Variants in ATP11B observed in about 807,000 individuals in gnomAD.
The protein encoded by ATP11B is ATPase phospholipid transporting 11B (putative), also known as phospholipid-transporting ATPase IF.
A neutral mutation model predicts 157.8 loss-of-function variants in ATP11B; 81 were observed. The observed-to-expected ratio is 0.51, with a 90% CI of 0.43 to 0.62. The LOEUF (loss-of-function observed/expected upper bound fraction) is 0.62. Among genes scored for constraint, ATP11B ranks in the 20% least tolerant of loss-of-function variants. The pLI, the probability that ATP11B is intolerant of heterozygous loss-of-function variation, is 0.00. For missense variants in ATP11B, 1,165 were observed against 1,402.2 expected, an observed-to-expected ratio of 0.83 and a Z score of 2.70; for synonymous variants, 451 against 469.4, an observed-to-expected ratio of 0.96 and a Z score of 0.51.
intron 29 of ATP11B, chr3:182,915,322 C>G (rs1264280796): frequency 2.0e-6 from 2 of 985,184 alleles, no homozygotes. Context: ...TTCCATAATG[C>G]TGTGATACCA....
intron 19 of ATP11B, 134 bp from the exon 20 acceptor site, chr3:182,879,362 G>A (rs540347306): frequency 2.8e-6 from 2 of 704,830 alleles, no homozygotes; most frequent in Admixed American, 3.9e-5. Flanking sequence ...TTTGTTTCCT[G>A]ACATAACAGT....
chr3:182,836,364 C>G lies in ATP11B; in HGVS notation c.446C>G (p.Ala149Gly). 6.2e-7 allele frequency: 1 copy of G among 1,613,752 alleles called. No homozygotes were observed. The highest frequency in any genetic ancestry group is 8.5e-7 in the Non-Finnish European group (1 of 1,179,768). ...TAGGTGGGTGATATTGTTCGAATAG[C>G]CAAAGATGAAATTTTTCCTGCAGAC... The part of the protein sequence containing the change: ...NIRVGDIVRI[A>G]KDEIFPADLV... Residue 149 changes from alanine (A) to glycine (G), a missense_variant, in exon 6 of 30, where the codon GCC (alanine) becomes GGC (glycine). This residue lies in a region of ATP11B where 737 missense variants were observed against 930.5 expected (regional missense o/e 0.79). Transcript: ENST00000323116.
chr3:182,884,931 T>G (rs1296098375), intron 22 of ATP11B, 33 bp downstream of exon 22: 4 of 1,190,722 alleles, frequency 3.4e-6, no homozygotes, highest in Non-Finnish European at 4.7e-6. Flanking sequence ...CAATTATTGA[T>G]ATAGTAATAT....
chr3:182,819,706 C>T (rs1447882021), intron 1 of ATP11B, among the ~76,000 whole-genome samples: 1 of 152,164 alleles, frequency 6.6e-6, no homozygotes, highest in Non-Finnish European at 1.5e-5. Context: ...TGTAAGTCAT[C>T]TGGGAACAAA....
At chr3:182,887,467 A>G (rs1386789327) in intron 23 of ATP11B, 119 bp from the exon 24 acceptor site, 1 of 719,584 alleles carries the variant, frequency 1.4e-6, no homozygotes, top group Non-Finnish European at 2.1e-6. Context: ...AGTTACTAAA[A>G]TGGATTTCAG....
At chr3:182,866,178 T>C (rs1306432963) in intron 13 of ATP11B, 90 bp from the exon 14 acceptor site, 19 of 984,562 alleles carry the variant, frequency 1.9e-5, no homozygotes, top group Non-Finnish European at 2.7e-5. Flanking sequence ...TGTAGCACTC[T>C]TGTTCTAGAT....
chr3:182,849,383 A>G (rs1719790777), intron 10 of ATP11B, among the ~76,000 whole-genome samples: 1 of 152,262 alleles, frequency 6.6e-6, no homozygotes, highest in South Asian at 2.1e-4. Flanking sequence ...CCAGTCTGCA[A>G]TAAAAAATAA....
intron 1 of ATP11B, among the ~76,000 whole-genome samples, chr3:182,795,799 C>T (rs1715563572): frequency 6.6e-6 from 1 of 152,212 alleles, no homozygotes; most frequent in South Asian, 2.1e-4. Flanking sequence ...ATTCTGATTA[C>T]TGCACCAGAA....
intron 28 of ATP11B, among the ~76,000 whole-genome samples, chr3:182,905,102 T>C (rs777307874): frequency 6.6e-6 from 1 of 152,110 alleles, no homozygotes; most frequent in Non-Finnish European, 1.5e-5. Flanking sequence ...CATTGCATCT[T>C]TCATAGAAAT....
At chr3:182,794,097 C>T (rs1179083537) in intron 1 of ATP11B, among the ~76,000 whole-genome samples, 1 of 152,158 alleles carries the variant, frequency 6.6e-6, no homozygotes, top group Non-Finnish European at 1.5e-5. Context: ...GCGGGAGTCC[C>T]GAGCGGGGTG....
intron 19 of ATP11B, among the ~76,000 whole-genome samples, 188 bp from the exon 20 acceptor site, chr3:182,879,308 G>A (rs983426523): frequency 6.6e-6 from 1 of 152,170 alleles, no homozygotes; most frequent in African/African-American, 2.4e-5. Flanking sequence ...TTACTCATCA[G>A]TGACTCAATT....
At position 182,887,720 on chromosome 3, in the gene ATP11B, A is replaced by G. The variant is rs1722892603; in HGVS notation, c.2843+7A>G. 6.2e-7 allele frequency: 1 copy of G among 1,606,534 alleles called. No homozygotes were observed. On this transcript the variant is annotated splice_region_variant and intron_variant, in intron 24 of 29. Transcript: ENST00000323116. ...ATAAGCCCACCCTTTATCGGTAAGT[A>G]TTTTCTGGTATTAAATGGCCTTATC...
At chr3:182,804,395 G>C (rs1289839759) in intron 1 of ATP11B, among the ~76,000 whole-genome samples, 1 of 151,876 alleles carries the variant, frequency 6.6e-6, no homozygotes, top group Non-Finnish European at 1.5e-5. Flanking sequence ...ACAGGCACCC[G>C]CCACGACGCC....
chr3:182,845,594 C>A, intron 9 of ATP11B, 72 bp downstream of exon 9: 1 of 940,020 alleles, frequency 1.1e-6, no homozygotes, highest in Non-Finnish European at 1.5e-6. Flanking sequence ...TTTAAAAGTA[C>A]AATGTGGTCT....
At chr3:182,869,421 G>T (rs1476767231) in intron 17 of ATP11B, 90 bp downstream of exon 17, 1 of 909,640 alleles carries the variant, frequency 1.1e-6, no homozygotes, top group Non-Finnish European at 1.6e-6. Flanking sequence ...ATCAAAAATT[G>T]TGGACATTCT....
At chr3:182,867,629 G>A (rs1315206404) in intron 15 of ATP11B, among the ~76,000 whole-genome samples, 185 bp downstream of exon 15, 7 of 135,720 alleles carry the variant, frequency 5.2e-5, no homozygotes, top group Admixed American at 3.4e-4. Context: ...TGTCACCCAG[G>A]CTGGAGTGCA....
chr3:182,915,353 A>AC (rs1272717706), intron 29 of ATP11B: 3 of 985,244 alleles, frequency 3.0e-6, no homozygotes, highest in Non-Finnish European at 3.6e-6. Flanking sequence ...ATTTCATTCC[A>AC]CGTAGAAGGA....
At chr3:182,914,976 G>A (rs1277975503) in intron 29 of ATP11B, 83 of 985,212 alleles carry the variant, frequency 8.4e-5, no homozygotes, top group Non-Finnish European at 9.8e-5. Context: ...ATGAATATTA[G>A]CACTTTCTAC....
intron 12 of ATP11B, among the ~76,000 whole-genome samples, chr3:182,865,053 T>C (rs1438285962): frequency 6.6e-6 from 1 of 152,136 alleles, no homozygotes; most frequent in Non-Finnish European, 1.5e-5. Flanking sequence ...TCTGCACTAT[T>C]TCTCCTCACT....
Sources: gnomAD v4.1 joint callset for allele counts (sites outside exome capture counted in the v4.1 genomes callset) on GRCh38, gnomAD v4.1.1 for gene constraint, gnomAD v4.1.1 regional missense constraint, MANE v1.5 for transcripts, NCBI Gene and HGNC (gene_info 2026-07-23, HGNC 2026-07-21) for gene names.